The following RGS17 variants were observed in gnomAD, a reference collection of about 807,000 sequenced individuals.
The protein encoded by RGS17 is regulator of G protein signaling 17.
A neutral mutation model predicts 25.5 loss-of-function variants in RGS17; 12 were observed. The observed-to-expected ratio is 0.47, with a 90% confidence interval of 0.30 to 0.76. The LOEUF (loss-of-function observed/expected upper bound fraction) is 0.76. RGS17 is among the 30% of genes least tolerant of loss of function. The probability of loss-of-function intolerance (pLI) is 0.07; values close to 1 mark genes in which losing one functional copy is unlikely to be tolerated. For missense variants in RGS17, 196 were observed against 242.2 expected, an observed-to-expected ratio of 0.81 and a Z score of 1.27; for synonymous variants, 71 against 76.9, an observed-to-expected ratio of 0.92 and a Z score of 0.40.
At chr6:153,056,895 C>A (rs1776569293) in intron 1 of RGS17, among the ~76,000 whole-genome samples, 1 of 145,628 alleles carries the variant, frequency 6.9e-6, no homozygotes, top group African/African-American at 2.6e-5. Flanking sequence ...TTCCTGGAAT[C>A]CTAGTGTTCT....
intron 1 of RGS17, among the ~76,000 whole-genome samples, chr6:153,112,691 C>G (rs1240885730): frequency 6.6e-6 from 1 of 152,256 alleles, no homozygotes; most frequent in South Asian, 2.1e-4. Flanking sequence ...GGGTTACCCA[C>G]AAAGGGAAGC....
At chr6:153,094,285 G>T (rs1400808989) in intron 1 of RGS17, among the ~76,000 whole-genome samples, 2 of 151,832 alleles carry the variant, frequency 1.3e-5, no homozygotes, top group Admixed American at 6.6e-5. Context: ...TGCTATGTTG[G>T]CCAGGCTGGT....
At chr6:153,069,356 G>A (rs2129116681) in intron 1 of RGS17, among the ~76,000 whole-genome samples, 1 of 152,246 alleles carries the variant, frequency 6.6e-6, no homozygotes, top group East Asian at 1.9e-4. Flanking sequence ...GGTACAGAAA[G>A]AAAAACATTG....
intron 1 of RGS17, among the ~76,000 whole-genome samples, chr6:153,101,967 T>C (rs1777310527): frequency 6.6e-6 from 1 of 152,248 alleles, no homozygotes; most frequent in South Asian, 2.1e-4. Flanking sequence ...TAGTTCTTTA[T>C]AGCAGTGTGA....
At chr6:153,097,705 G>A (rs1242316083) in intron 1 of RGS17, among the ~76,000 whole-genome samples, 1 of 152,088 alleles carries the variant, frequency 6.6e-6, no homozygotes, top group Non-Finnish European at 1.5e-5. Context: ...CACTAGGAAA[G>A]AGAAGGTCAA....
At chr6:153,121,154 G>A (rs1777625408) in intron 1 of RGS17, among the ~76,000 whole-genome samples, 1 of 151,996 alleles carries the variant, frequency 6.6e-6, no homozygotes, top group South Asian at 2.1e-4. Flanking sequence ...GAAAACAGAA[G>A]AGGTAAAACT....
intron 1 of RGS17, among the ~76,000 whole-genome samples, chr6:153,122,313 G>A (rs1777644223): frequency 6.6e-6 from 1 of 152,062 alleles, no homozygotes; most frequent in Admixed American, 6.6e-5. Context: ...TTACATTTTG[G>A]AGACAATTCC....
chr6:153,115,665 C>T (rs1038705304), intron 1 of RGS17, among the ~76,000 whole-genome samples: 1 of 152,184 alleles, frequency 6.6e-6, no homozygotes, highest in African/African-American at 2.4e-5. Flanking sequence ...CACTACCTGA[C>T]TTCAAACTAT....
chr6:153,087,694 G>A (rs1777069949), intron 1 of RGS17, among the ~76,000 whole-genome samples: 1 of 152,152 alleles, frequency 6.6e-6, no homozygotes, highest in South Asian at 2.1e-4. Flanking sequence ...TGTTGGGTGT[G>A]TAGGAGGCAG....
intron 1 of RGS17, among the ~76,000 whole-genome samples, chr6:153,089,267 G>A (rs1162741554): frequency 6.6e-6 from 1 of 151,500 alleles, no homozygotes; most frequent in African/African-American, 2.4e-5. Flanking sequence ...CTTATTAAGA[G>A]GTTTGAGTAG....
chr6:153,074,024 C>T (rs1424130299), intron 1 of RGS17, among the ~76,000 whole-genome samples: 3 of 152,122 alleles, frequency 2.0e-5, no homozygotes, highest in Non-Finnish European at 2.9e-5. Context: ...GGAAATGAAA[C>T]TCAGATCTAC....
intron 1 of RGS17, among the ~76,000 whole-genome samples, chr6:153,047,092 G>A (rs1417861905): frequency 6.6e-6 from 1 of 151,980 alleles, no homozygotes; most frequent in Non-Finnish European, 1.5e-5. Context: ...AAGTGCTGAG[G>A]GATAATAATC....
intron 1 of RGS17, among the ~76,000 whole-genome samples, chr6:153,096,371 C>T (rs1460594172): frequency 6.6e-6 from 1 of 152,168 alleles, no homozygotes; most frequent in Non-Finnish European, 1.5e-5. Context: ...ACAATAAAAC[C>T]TATCCTCACT....
At chr6:153,074,877 A>G (rs1264344500) in intron 1 of RGS17, among the ~76,000 whole-genome samples, 1 of 152,050 alleles carries the variant, frequency 6.6e-6, no homozygotes, top group East Asian at 1.9e-4. Flanking sequence ...ACTAAAATCC[A>G]CTCTTTAAGC....
intron 1 of RGS17, among the ~76,000 whole-genome samples, chr6:153,079,656 A>G (rs910616491): frequency 2.0e-5 from 3 of 152,138 alleles, no homozygotes; most frequent in Non-Finnish European, 4.4e-5. Flanking sequence ...AATAAACCTC[A>G]GTTTGTTATG....
chr6:153,118,182 C>T lies in RGS17; in HGVS notation c.-26+12942G>A, dbSNP rs576399109. ...ATCTCCTCTCTTGGATGTCCTCTTC[C>T]CTAATGCTCTCTTATGCTGATTTTT... On this transcript the variant is annotated intron_variant, in intron 1 of 4. Coordinates refer to ENST00000206262, the MANE Select transcript of RGS17 (RefSeq NM_012419.5). Among the ~76,000 whole-genome samples, 3 of 152,272 alleles carry T rather than the reference C, an allele frequency of 2.0e-5. No individual in the cohort carries two copies. The South Asian group carries it at 6.2e-4, about 32-fold the overall frequency.
Position 153,010,089 on chromosome 6 carries a change from T to C in RGS17, c.*1485A>G, listed in dbSNP as rs1368859569. 6.6e-6 allele frequency: 1 copy of C among 151,894 alleles called. No homozygotes were observed. Among genetic ancestry groups the C allele is most frequent in the Non-Finnish European group, 1.5e-5 (1 of 67,822 alleles). 9.4% of individuals were successfully genotyped at this position (151,894 alleles called of 1,614,324 possible). On this transcript the variant is annotated 3_prime_UTR_variant, in exon 5 of 5. Transcript: ENST00000206262. ...CCTGTAACTGTAATATCATCCTTAA[T>C]ATAAGGCCAGTGTTCTCAGTGGATA...
chr6:153,038,930 T>G (rs897800246), intron 2 of RGS17, among the ~76,000 whole-genome samples: 1 of 152,190 alleles, frequency 6.6e-6, no homozygotes, highest in African/African-American at 2.4e-5. Flanking sequence ...ATCCATCCCA[T>G]GGTCTGGAAA....
intron 1 of RGS17, among the ~76,000 whole-genome samples, chr6:153,092,833 A>G (rs1299739437): frequency 2.0e-5 from 3 of 152,224 alleles, no homozygotes; most frequent in African/African-American, 7.2e-5. Context: ...CCTAAGGAAC[A>G]AAGTGTTACA....
Sources: gnomAD v4.1 joint callset for allele counts (sites outside exome capture counted in the v4.1 genomes callset) on GRCh38, gnomAD v4.1.1 for gene constraint, MANE v1.5 for transcripts, NCBI Gene and HGNC (gene_info 2026-07-23, HGNC 2026-07-21) for gene names.